Variants in RNF17 observed in about 807,000 individuals in gnomAD.
RNF17 encodes spermatogenesis associated 23.
RNF17 carries 31 observed loss-of-function variants against 200.5 expected under a neutral mutation model. The ratio of observed to expected loss-of-function variants is 0.15; its 90% CI spans 0.12 to 0.21. The LOEUF is 0.21. Among genes scored for constraint, RNF17 ranks in the 10% least tolerant of loss-of-function variants. The probability of loss-of-function intolerance (pLI) is 1.00; values close to 1 mark genes in which losing one functional copy is unlikely to be tolerated. For missense variants in RNF17, 1,628 were observed against 1,905.1 expected (o/e 0.85, Z 2.71); for synonymous variants, 606 against 637.8 (o/e 0.95, Z 0.75).
At chr13:24,806,754 C>T (rs1192004969) in intron 15 of RNF17, among the ~76,000 whole-genome samples, 3 of 150,494 alleles carry the variant, frequency 2.0e-5, no homozygotes, top group Non-Finnish European at 4.4e-5. Flanking sequence ...CCCACTAACT[C>T]GTCATCTAGC....
the RNF17 span, among the ~76,000 whole-genome samples, chr13:24,748,691 C>T: frequency 7.9e-5 from 12 of 151,960 alleles, no homozygotes; most frequent in Non-Finnish European, 1.3e-4. Context: ...AGGGTTTATT[C>T]CTCATAAGTG....
At chr13:24,876,810 T>A (rs533203202) in intron 33 of RNF17, among the ~76,000 whole-genome samples, 187 bp from the exon 34 acceptor site, 47 of 152,290 alleles carry the variant, frequency 3.1e-4, no homozygotes, top group African/African-American at 1.1e-3. Context: ...AGAAGTTAAT[T>A]TTTTTAGGAA....
intron 2 of RNF17, among the ~76,000 whole-genome samples, chr13:24,768,884 G>T (rs1201993218): frequency 4.0e-5 from 6 of 151,072 alleles, no homozygotes; most frequent in African/African-American, 1.2e-4. Flanking sequence ...GTTAAATATG[G>T]TTAAAAAAAA....
chr13:24,877,537 A>G (rs1894986405), intron 34 of RNF17, among the ~76,000 whole-genome samples: 1 of 152,210 alleles, frequency 6.6e-6, no homozygotes, highest in Non-Finnish European at 1.5e-5. Context: ...TAACAGAGCT[A>G]TAGCTAACTT....
chr13:24,802,393 G>C lies in RNF17; in HGVS notation c.1771G>C (p.Glu591Gln). Residue 591 changes from glutamate (E) to glutamine (Q), a missense_variant, in exon 14 of 36, where the codon GAA (glutamate) becomes CAA (glutamine). Glu to Gln is a conservative substitution (Grantham distance 29). This residue lies in a region of RNF17 where 289 missense variants were observed against 384.9 expected (regional missense o/e 0.75). Transcript: ENST00000255324. Reference protein sequence around the residue: ...IVPQNSNEGWEEEAKVEFLKM... With the variant: ...IVPQNSNEGWQEEAKVEFLKM... ...CTTTCTTGCACAGAATGAAGGCTGG[G>C]AAGAGGAAGCTAAAGTGGAATTTTT... 6.2e-7 allele frequency: 1 copy of C among 1,612,118 alleles called. No individual in the cohort carries two copies. Among genetic ancestry groups the C allele is most frequent in the Non-Finnish European group, 8.5e-7 (1 of 1,179,170 alleles).
chr13:24,829,381 A>G (rs904845889), intron 16 of RNF17, among the ~76,000 whole-genome samples: 1 of 152,204 alleles, frequency 6.6e-6, no homozygotes. Context: ...ATTACTTTCC[A>G]TATCCATCTA....
intron 11 of RNF17, among the ~76,000 whole-genome samples, chr13:24,797,549 C>T (rs1328606786): frequency 6.6e-6 from 1 of 152,134 alleles, no homozygotes; most frequent in South Asian, 2.1e-4. Context: ...GGGCAAATGT[C>T]TGTGTTGAGT....
intron 15 of RNF17, among the ~76,000 whole-genome samples, chr13:24,820,875 G>A (rs1239054471): frequency 1.3e-5 from 2 of 152,108 alleles, no homozygotes; most frequent in South Asian, 2.1e-4. Context: ...ATGTGTCTTG[G>A]TGTATGATTC....
intron 22 of RNF17, among the ~76,000 whole-genome samples, chr13:24,850,135 T>C (rs76894119): frequency 0.017 from 2,612 of 151,960 alleles, 77 homozygotes; most frequent in African/African-American, 0.06. Context: ...ATATGGGCCC[T>C]CAGTAAAATA....
chr13:24,836,109 A>G (rs1340620876), intron 18 of RNF17, among the ~76,000 whole-genome samples: 1 of 152,212 alleles, frequency 6.6e-6, no homozygotes, highest in African/African-American at 2.4e-5. Flanking sequence ...AAGACAAGGA[A>G]AAAAGAAAAT....
At chr13:24,763,118 G>A (rs964826483), upstream of RNF17, among the ~76,000 whole-genome samples, 4 of 147,676 alleles carry the variant, frequency 2.7e-5, no homozygotes, top group Non-Finnish European at 6.0e-5. Flanking sequence ...TATCCTCTAC[G>A]AAGAGTTTTC....
At position 24,778,379 on chromosome 13, in the gene RNF17, T is replaced by A. The variant is rs12872005; in HGVS notation, c.402T>A (p.Thr134=). 1.1e-4 allele frequency: 185 copies of A among 1,612,670 alleles called. No individual in the cohort carries two copies. The highest frequency in any genetic ancestry group is 1.6e-4 in the Non-Finnish European group (183 of 1,178,788). The change falls in exon 4 of 36, where the codon ACT becomes ACA. Residue 134 remains threonine, a synonymous_variant. Transcript: ENST00000255324. Reference sequence around the variant, plus strand: ...AACGTTCAGCCTCCACAGACAAGACTCTTTTGAACTCATCAGCTGTAATGT... The same window carrying A: ...AACGTTCAGCCTCCACAGACAAGACACTTTTGAACTCATCAGCTGTAATGT... The part of the protein sequence containing the change: ...GLERSASTDK[T]LLNSSAVMLD...
Position 24,854,048 on chromosome 13 carries a change from T to C in RNF17, c.3514T>C (p.Tyr1172His). 6.2e-7 allele frequency: 1 copy of C among 1,613,976 alleles called. No homozygotes were observed. Residue 1172 changes from tyrosine (Y) to histidine (H), a missense_variant, in exon 25 of 36, where the codon TAT becomes CAT. Coordinates refer to ENST00000255324, the MANE Select transcript of RNF17 (RefSeq NM_031277.3). The part of the protein sequence containing the change: ...KILEPRTTRG[Y>H]KPPAIPNMNV... The stretch of plus-strand genomic sequence containing the variant: ...TCTAGAACCAAGAACCACTAGAGGG[T>C]ATAAGCCACCAGCTATTCCTAACAT...
intron 28 of RNF17, among the ~76,000 whole-genome samples, chr13:24,863,897 A>C (rs1893362122): frequency 6.6e-6 from 1 of 152,180 alleles, no homozygotes; most frequent in Non-Finnish European, 1.5e-5. Context: ...CTTGTACGCA[A>C]AGGGAGATGC....
chr13:24,790,279 G>A (rs1883681738), intron 9 of RNF17, among the ~76,000 whole-genome samples: 2 of 152,066 alleles, frequency 1.3e-5, no homozygotes, highest in South Asian at 4.1e-4. Flanking sequence ...GAATATATGG[G>A]CAGTGAAATA....
intron 15 of RNF17, among the ~76,000 whole-genome samples, chr13:24,805,006 C>G (rs1298992888): frequency 6.6e-6 from 1 of 151,930 alleles, no homozygotes; most frequent in Non-Finnish European, 1.5e-5. Context: ...ATGTGGAGAC[C>G]CTAACCACAG....
chr13:24,853,312 AT>A, intron 24 of RNF17, among the ~76,000 whole-genome samples: 1 of 152,232 alleles, frequency 6.6e-6, no homozygotes, highest in Non-Finnish European at 1.5e-5. Context: ...CTAAGATTTT[AT>A]TTTTTTATAC....
chr13:24,770,251 T>C (rs1880471572), intron 2 of RNF17, among the ~76,000 whole-genome samples: 1 of 152,138 alleles, frequency 6.6e-6, no homozygotes, highest in Admixed American at 6.5e-5. Context: ...TAAATGCTTG[T>C]TAAATTTGAC....
rs1252105906 is a variant in RNF17, at chr13:24,843,885, T to C, written c.2745T>C (p.Asn915=). Residue 915 remains asparagine (N), a synonymous_variant, in exon 20 of 36, where the codon AAT becomes AAC. Coordinates refer to ENST00000255324, the MANE Select transcript of RNF17 (RefSeq NM_031277.3). ...LPNENFQSLY[N]KELPVHICNV... ...ATGAGAATTTTCAGTCACTTTATAA[T>C]AAGGAATTGCCTGTGCATATCTGTA... The C allele has an allele frequency of 2.5e-6, 4 of 1,605,062 alleles. No homozygotes were observed. Among genetic ancestry groups the C allele is most frequent in the Non-Finnish European group, 2.6e-6 (3 of 1,173,102 alleles).
Sources: allele counts gnomAD v4.1 joint callset (sites outside exome capture counted in the v4.1 genomes callset), GRCh38; gene constraint gnomAD v4.1.1; regional missense constraint gnomAD v4.1.1; transcripts MANE v1.5; gene names NCBI Gene and HGNC (gene_info 2026-07-23, HGNC 2026-07-21).